Variants in COL25A1 observed in about 807,000 individuals in gnomAD.
COL25A1 encodes collagen alpha-1(XXV) chain.
In COL25A1, 103 loss-of-function variants were observed where a neutral mutation model predicts 128.4. The observed-to-expected ratio is 0.80, with a 90% CI of 0.68 to 0.94. The LOEUF (loss-of-function observed/expected upper bound fraction) is 0.94, where lower values mean the gene tolerates loss of function less well. Ranked by LOEUF, COL25A1 falls within the 40% of genes least tolerant of loss-of-function variation. COL25A1 has a pLI of 0.00. For synonymous variants in COL25A1, 279 were observed against 277.2 expected (o/e 1.01, Z -0.06); for missense variants, 745 against 840.0 (o/e 0.89, Z 1.40).
intron 3 of COL25A1, among the ~76,000 whole-genome samples, chr4:109,066,663 T>C (rs1762478981): frequency 6.6e-6 from 1 of 152,114 alleles, no homozygotes; most frequent in Admixed American, 6.5e-5. Context: ...ATTCCTTTCT[T>C]CCTTTTTTTG....
At chr4:109,060,843 T>C (rs1761905251) in intron 3 of COL25A1, among the ~76,000 whole-genome samples, 2 of 152,300 alleles carry the variant, frequency 1.3e-5, no homozygotes, top group South Asian at 4.1e-4. Context: ...AATTTAGTGT[T>C]TCATCAGTAT....
At chr4:109,077,616 A>G (rs1381131558) in intron 3 of COL25A1, among the ~76,000 whole-genome samples, 1 of 152,226 alleles carries the variant, frequency 6.6e-6, no homozygotes, top group Non-Finnish European at 1.5e-5. Flanking sequence ...AGCTTCAAAC[A>G]TTTTAGCCCC....
chr4:109,275,002 A>AGTTT (rs1722677449), intron 3 of COL25A1, among the ~76,000 whole-genome samples: 1 of 152,206 alleles, frequency 6.6e-6, no homozygotes, highest in Non-Finnish European at 1.5e-5. Flanking sequence ...ATACAAAATT[A>AGTTT]GTTTTTACAC....
At chr4:109,250,819 G>A (rs541988989) in intron 3 of COL25A1, among the ~76,000 whole-genome samples, 8 of 152,224 alleles carry the variant, frequency 5.3e-5, no homozygotes, top group African/African-American at 1.9e-4. Flanking sequence ...GATCAGTCAG[G>A]TTGACACAAC....
intron 3 of COL25A1, among the ~76,000 whole-genome samples, chr4:109,060,668 C>T (rs1225448576): frequency 6.6e-6 from 1 of 150,470 alleles, no homozygotes; most frequent in Non-Finnish European, 1.5e-5. Flanking sequence ...GTGCTCAGTA[C>T]CAACTCAGAC....
At chr4:109,051,481 A>C (rs2125944231) in intron 3 of COL25A1, among the ~76,000 whole-genome samples, 1 of 152,306 alleles carries the variant, frequency 6.6e-6, no homozygotes, top group South Asian at 2.1e-4. Context: ...TCTAGAATAA[A>C]GGGATGTTTT....
chr4:108,858,047 A>G (rs1736726500), intron 24 of COL25A1, among the ~76,000 whole-genome samples: 1 of 152,144 alleles, frequency 6.6e-6, no homozygotes. Flanking sequence ...GAACACATGC[A>G]AAAAGGAGGA....
At chr4:109,027,054 G>T (rs1429647005) in intron 5 of COL25A1, among the ~76,000 whole-genome samples, 1 of 152,218 alleles carries the variant, frequency 6.6e-6, no homozygotes. Context: ...CATAATATTT[G>T]TTGAGTACCT....
rs112167506 is a variant in COL25A1 at position 108,962,470 on chromosome 4, C to T, written c.492+11897G>A. ...CTGGGATTACAGGTGTGAGCCACTG[C>T]ACCCGGCCCTTAATTCTTAATTATA... is the stretch of plus-strand genomic sequence containing the variant. On this transcript the variant is annotated intron_variant, in intron 8 of 37. Coordinates refer to ENST00000399132, the MANE Select transcript of COL25A1 (RefSeq NM_198721.4). Among the ~76,000 whole-genome samples the T allele has an allele frequency of 1.7e-3, 263 of 152,274 alleles. 1 individual carries two copies. The highest frequency in any genetic ancestry group is 5.6e-3 in the African/African-American group (231 of 41,582).
intron 3 of COL25A1, among the ~76,000 whole-genome samples, chr4:109,223,018 C>A (rs762838266): frequency 6.6e-6 from 1 of 152,154 alleles, no homozygotes; most frequent in Admixed American, 6.5e-5. Context: ...CTGATCCTCT[C>A]GCCCTCAGCT....
chr4:108,850,352 T>C (rs1735622020), intron 26 of COL25A1, among the ~76,000 whole-genome samples: 1 of 152,064 alleles, frequency 6.6e-6, no homozygotes, highest in African/African-American at 2.4e-5. Context: ...TTTTGCTGTC[T>C]CTTGGTCATA....
intron 3 of COL25A1, among the ~76,000 whole-genome samples, chr4:109,266,128 T>A (rs1414161328): frequency 6.6e-6 from 1 of 152,188 alleles, no homozygotes; most frequent in African/African-American, 2.4e-5. Flanking sequence ...ACTTAAAAGT[T>A]ACATGACACA....
At chr4:109,050,885 T>G (rs913079020) in intron 3 of COL25A1, among the ~76,000 whole-genome samples, 45 of 152,002 alleles carry the variant, frequency 3.0e-4, no homozygotes, top group Non-Finnish European at 4.6e-4. Context: ...AAAACTTGTT[T>G]TTTTTTTTTT....
intron 3 of COL25A1, among the ~76,000 whole-genome samples, chr4:109,136,342 T>G (rs967265996): frequency 6.6e-6 from 1 of 152,078 alleles, no homozygotes. Context: ...GAGGTTGCAG[T>G]GAGCCGAGAT....
intron 5 of COL25A1, among the ~76,000 whole-genome samples, chr4:109,044,656 G>A (rs1232438904): frequency 1.3e-5 from 2 of 152,084 alleles, no homozygotes; most frequent in African/African-American, 4.8e-5. Flanking sequence ...AAATTTACTC[G>A]ATGTAGGTTC....
intron 3 of COL25A1, among the ~76,000 whole-genome samples, chr4:109,066,238 T>C (rs886648421): frequency 2.6e-5 from 4 of 152,164 alleles, no homozygotes; most frequent in Non-Finnish European, 5.9e-5. Context: ...TTGGTCAGTT[T>C]TAGAAGCACC....
intron 3 of COL25A1, among the ~76,000 whole-genome samples, chr4:109,253,478 C>G (rs1046976096): frequency 6.6e-6 from 1 of 152,044 alleles, no homozygotes; most frequent in Non-Finnish European, 1.5e-5. Flanking sequence ...CTATTCAGGC[C>G]CACCCACATC....
intron 13 of COL25A1, among the ~76,000 whole-genome samples, chr4:108,907,163 T>G (rs1743627113): frequency 6.6e-6 from 1 of 151,366 alleles, no homozygotes; most frequent in Non-Finnish European, 1.5e-5. Context: ...TGGGGTGGAG[T>G]GAAGCGAGGC....
chr4:108,950,437 C>T (rs1028090288), intron 8 of COL25A1, among the ~76,000 whole-genome samples: 17 of 152,092 alleles, frequency 1.1e-4, no homozygotes, highest in African/African-American at 2.9e-4. Context: ...ATTCCCATGC[C>T]CCATAGGTGC....
Sources: gnomAD v4.1 joint callset for allele counts (sites outside exome capture counted in the v4.1 genomes callset) on GRCh38, gnomAD v4.1.1 for gene constraint, MANE v1.5 for transcripts, NCBI Gene and HGNC (gene_info 2026-07-23, HGNC 2026-07-21) for gene names.